Variants in PDE1C observed in about 807,000 individuals in gnomAD.
PDE1C encodes dual specificity calcium/calmodulin-dependent 3',5'-cyclic nucleotide phosphodiesterase 1C.
A neutral mutation model predicts 93.1 loss-of-function variants in PDE1C; 62 were observed. The ratio of observed to expected loss-of-function variants is 0.67; its 90% CI spans 0.54 to 0.82. The LOEUF (loss-of-function observed/expected upper bound fraction) is 0.82. Ranked by LOEUF, PDE1C falls within the 40% of genes least tolerant of loss-of-function variation. PDE1C has a pLI of 0.00. For missense variants in PDE1C, 742 were observed against 884.6 expected, an observed-to-expected ratio of 0.84 and a Z score of 2.04; for synonymous variants, 325 against 310.1, an observed-to-expected ratio of 1.05 and a Z score of -0.50.
the PDE1C span, among the ~76,000 whole-genome samples, chr7:31,722,307 G>A: frequency 6.6e-6 from 1 of 152,268 alleles, no homozygotes; most frequent in Non-Finnish European, 1.5e-5. Context: ...CAACCTGACT[G>A]CTTTTATGGT....
At chr7:31,717,855 G>T in the PDE1C span, among the ~76,000 whole-genome samples, 1 of 151,850 alleles carries the variant, frequency 6.6e-6, no homozygotes, top group South Asian at 2.1e-4. Context: ...GGTGATCTCC[G>T]CCCTGGGCCA....
chr7:32,194,440 G>T (rs750866657), intron 2 of PDE1C, among the ~76,000 whole-genome samples: 5 of 152,084 alleles, frequency 3.3e-5, no homozygotes, highest in Admixed American at 6.5e-5. Context: ...CTCATTTTAG[G>T]TCTAACAGAT....
chr7:31,651,109 A>G, the PDE1C span: 1 of 1,602,894 alleles, frequency 6.2e-7, no homozygotes, highest in Non-Finnish European at 8.5e-7. Context: ...ATCAGAGAGG[A>G]CTTTCTTCTC....
At chr7:31,907,011 G>A (rs1327790967) in intron 2 of PDE1C, among the ~76,000 whole-genome samples, 2 of 151,952 alleles carry the variant, frequency 1.3e-5, no homozygotes, top group Admixed American at 1.3e-4. Context: ...GAATGAAAGA[G>A]AGAAACTGAA....
At chr7:32,109,267 C>A (rs2128754421) in intron 3 of PDE1C, among the ~76,000 whole-genome samples, 1 of 151,840 alleles carries the variant, frequency 6.6e-6, no homozygotes, top group Admixed American at 6.5e-5. Flanking sequence ...CATGGTAGAG[C>A]CATATGAAGA....
intron 3 of PDE1C, among the ~76,000 whole-genome samples, chr7:32,113,503 C>G (rs900699478): frequency 1.3e-5 from 2 of 151,074 alleles, no homozygotes; most frequent in African/African-American, 4.9e-5. Flanking sequence ...CCTTTTATTT[C>G]TAATTTTATG....
chr7:32,174,512 G>A (rs568546779), intron 2 of PDE1C, among the ~76,000 whole-genome samples: 116 of 152,138 alleles, frequency 7.6e-4, no homozygotes, highest in South Asian at 3.5e-3. Context: ...CTCTTCAGCC[G>A]GTGGAAAGGA....
chr7:32,007,381 C>G (rs1404517153), intron 2 of PDE1C, among the ~76,000 whole-genome samples: 3 of 152,310 alleles, frequency 2.0e-5, no homozygotes, highest in African/African-American at 7.2e-5. Flanking sequence ...CTTCAGCCCA[C>G]TGACTTTTAA....
At chr7:32,262,092 C>A (rs1003743987) in intron 1 of PDE1C, among the ~76,000 whole-genome samples, 1 of 142,870 alleles carries the variant, frequency 7.0e-6, no homozygotes, top group Non-Finnish European at 1.5e-5. Context: ...AGGGGTAGAA[C>A]TTTGCCTGAT....
At chr7:31,658,191 C>A in the PDE1C span, 3 of 1,256,878 alleles carry the variant, frequency 2.4e-6, no homozygotes, top group Non-Finnish European at 2.1e-6. Context: ...TAAGGATATT[C>A]GTTTTTTAGC....
At chr7:32,188,213 T>TTG (rs1343955357) in intron 2 of PDE1C, among the ~76,000 whole-genome samples, 1 of 1,466 alleles carries the variant, frequency 6.8e-4, no homozygotes, top group Non-Finnish European at 4.0e-3. Context: ...ATATATGAAA[T>TTG]TGGGGGGGGA....
intron 1 of PDE1C, chr7:32,298,619 C>G (rs770430697): frequency 1.9e-6 from 3 of 1,578,426 alleles, no homozygotes; most frequent in South Asian, 2.3e-5. Context: ...TTTGCCCGAG[C>G]CAGGAGTCCG....
At chr7:32,252,060 G>T (rs1280725862) in intron 1 of PDE1C, among the ~76,000 whole-genome samples, 1 of 152,182 alleles carries the variant, frequency 6.6e-6, no homozygotes, top group Non-Finnish European at 1.5e-5. Flanking sequence ...TAGTGGTTAT[G>T]AATATTTTAT....
At chr7:32,046,067 A>G (rs1478796552) in intron 2 of PDE1C, among the ~76,000 whole-genome samples, 5 of 151,874 alleles carry the variant, frequency 3.3e-5, no homozygotes, top group African/African-American at 1.2e-4. Flanking sequence ...GAAAAACATA[A>G]CTCCTTGCTT....
chr7:32,366,643 AC>A (rs1562692606), intron 1 of PDE1C, among the ~76,000 whole-genome samples: 1 of 152,176 alleles, frequency 6.6e-6, no homozygotes, highest in East Asian at 1.9e-4. Context: ...CAAAATTCAA[AC>A]AAAGAATTTT....
chr7:31,662,165 T>C, the PDE1C span, among the ~76,000 whole-genome samples: 1 of 152,226 alleles, frequency 6.6e-6, no homozygotes, highest in Non-Finnish European at 1.5e-5. Flanking sequence ...TGCCTCTGTT[T>C]ATTCACCCTG....
intron 2 of PDE1C, among the ~76,000 whole-genome samples, chr7:32,207,006 C>T (rs1160423421): frequency 6.6e-6 from 1 of 152,190 alleles, no homozygotes. Flanking sequence ...CCCCATGTTA[C>T]TGTATGTGCC....
chr7:31,750,552 C>T (rs1379475246), downstream of PDE1C, among the ~76,000 whole-genome samples: 2 of 152,142 alleles, frequency 1.3e-5, no homozygotes, highest in African/African-American at 4.8e-5. Context: ...GCTGTAAGGC[C>T]AGCCCTGTGC....
At chr7:31,771,351 G>C (rs917219613) in intron 17 of PDE1C, among the ~76,000 whole-genome samples, 3 of 152,176 alleles carry the variant, frequency 2.0e-5, no homozygotes, top group Non-Finnish European at 2.9e-5. Flanking sequence ...ATATACCAGG[G>C]TTCACATTTC....
Sources: gnomAD v4.1 joint callset for allele counts (sites outside exome capture counted in the v4.1 genomes callset) on GRCh38, gnomAD v4.1.1 for gene constraint, MANE v1.5 for transcripts, NCBI Gene and HGNC (gene_info 2026-07-23, HGNC 2026-07-21) for gene names.